Variants in RIMS2 observed in about 807,000 individuals in gnomAD.
RIMS2 encodes regulating synaptic membrane exocytosis protein 2.
A neutral mutation model predicts 174.4 loss-of-function variants in RIMS2; 59 were observed. The observed-to-expected ratio is 0.34, with a 90% confidence interval of 0.27 to 0.42. The LOEUF is 0.42. Ranked by LOEUF, RIMS2 falls within the 10% of genes least tolerant of loss-of-function variation. The pLI is 1.00. For synonymous variants in RIMS2, 606 were observed against 572.5 expected, an observed-to-expected ratio of 1.06 and a Z score of -0.84; for missense variants, 1,620 against 1,666.3, an observed-to-expected ratio of 0.97 and a Z score of 0.48.
chr8:103,620,702 G>A (rs942878268), intron 1 of RIMS2, among the ~76,000 whole-genome samples: 5 of 151,796 alleles, frequency 3.3e-5, no homozygotes, highest in African/African-American at 9.7e-5. Context: ...ATTTCATTGA[G>A]TTTCTGTTTA....
At chr8:103,635,627 G>T (rs1004845967) in intron 1 of RIMS2, among the ~76,000 whole-genome samples, 2 of 152,196 alleles carry the variant, frequency 1.3e-5, no homozygotes, top group Non-Finnish European at 2.9e-5. Context: ...ACCCCTTATT[G>T]TCCCAAAGAC....
intron 3 of RIMS2, among the ~76,000 whole-genome samples, chr8:103,832,244 A>C (rs922209280): frequency 6.6e-6 from 1 of 152,088 alleles, no homozygotes; most frequent in Non-Finnish European, 1.5e-5. Flanking sequence ...CCTTTTACAT[A>C]GAGTATTTAG....
intron 3 of RIMS2, among the ~76,000 whole-genome samples, chr8:103,798,961 G>GGAGA (rs1272891084): frequency 6.6e-6 from 1 of 150,832 alleles, no homozygotes; most frequent in Non-Finnish European, 1.5e-5. Context: ...GATAGAAGGA[G>GGAGA]GAGAGATTCA....
chr8:104,159,823 T>C (rs1278782584), intron 19 of RIMS2, among the ~76,000 whole-genome samples: 1 of 152,134 alleles, frequency 6.6e-6, no homozygotes, highest in Non-Finnish European at 1.5e-5. Context: ...AATAGAAAAC[T>C]AGAAGCAGGT....
intron 1 of RIMS2, among the ~76,000 whole-genome samples, chr8:103,548,224 A>G (rs1315786355): frequency 6.6e-6 from 1 of 152,194 alleles, no homozygotes; most frequent in Non-Finnish European, 1.5e-5. Flanking sequence ...AAAAAACTTC[A>G]GGCTAATATT....
intron 3 of RIMS2, among the ~76,000 whole-genome samples, chr8:103,872,766 T>C (rs1207735838): frequency 6.6e-6 from 1 of 152,176 alleles, no homozygotes. Context: ...GTAGAAACTG[T>C]ACCTAATAAA....
At chr8:103,715,147 G>A (rs977340767) in intron 2 of RIMS2, among the ~76,000 whole-genome samples, 2 of 152,102 alleles carry the variant, frequency 1.3e-5, no homozygotes, top group Admixed American at 6.5e-5. Context: ...AGTGAGACAA[G>A]ATGTTGTTTT....
rs573449414 is a variant in RIMS2, at chr8:103,905,550, G to A, written c.1625-4584G>A. Among the ~76,000 whole-genome samples, 24 of 151,804 alleles carry A rather than the reference G, an allele frequency of 1.6e-4. No individual in the cohort carries two copies. The South Asian group carries it at 4.8e-3, about 30-fold the overall frequency. On this transcript the variant is annotated intron_variant, in intron 4 of 23. Transcript: ENST00000504942. Reference sequence around the variant, plus strand: ...TTTTAGTTTGATTATGGTGTATCTTGTAACAGATATCTTTGGGTATTGTTT... The same window carrying A: ...TTTTAGTTTGATTATGGTGTATCTTATAACAGATATCTTTGGGTATTGTTT...
intron 9 of RIMS2, among the ~76,000 whole-genome samples, chr8:103,919,058 TA>T (rs1394184798): frequency 1.3e-5 from 2 of 152,320 alleles, no homozygotes; most frequent in East Asian, 3.9e-4. Flanking sequence ...ATCTATAATT[TA>T]AAAAATTATT....
At chr8:103,846,245 GA>G (rs2098967338) in intron 3 of RIMS2, among the ~76,000 whole-genome samples, 1 of 152,010 alleles carries the variant, frequency 6.6e-6, no homozygotes. Flanking sequence ...CTGAGGCTTA[GA>G]AAAAGAAAGA....
intron 22 of RIMS2, among the ~76,000 whole-genome samples, chr8:104,250,563 T>G (rs185614343): frequency 6.6e-6 from 1 of 152,194 alleles, no homozygotes; most frequent in Non-Finnish European, 1.5e-5. Context: ...CTTAGCTAAT[T>G]TGATCAATAT....
At chr8:103,677,558 C>T (rs1025076660) in intron 1 of RIMS2, among the ~76,000 whole-genome samples, 4 of 152,152 alleles carry the variant, frequency 2.6e-5, no homozygotes, top group Admixed American at 1.3e-4. Context: ...TACCCACAGT[C>T]TCCAGTTTCT....
At chr8:103,798,639 C>T (rs1265920786) in intron 3 of RIMS2, among the ~76,000 whole-genome samples, 2 of 152,094 alleles carry the variant, frequency 1.3e-5, no homozygotes, top group African/African-American at 2.4e-5. Flanking sequence ...TTTTAAATTA[C>T]AGAAAGGATA....
At chr8:103,814,923 A>G (rs1015062293) in intron 3 of RIMS2, among the ~76,000 whole-genome samples, 2 of 152,196 alleles carry the variant, frequency 1.3e-5, no homozygotes, top group East Asian at 1.9e-4. Context: ...ATGAAAACTA[A>G]TAATCTACTA....
At chr8:103,514,099 A>G (rs1212356830) in intron 1 of RIMS2, among the ~76,000 whole-genome samples, 1 of 152,146 alleles carries the variant, frequency 6.6e-6, no homozygotes, top group Non-Finnish European at 1.5e-5. Context: ...TCTACCAGGG[A>G]TGGATACATA....
At chr8:103,744,336 GC>G (rs541744950) in intron 2 of RIMS2, among the ~76,000 whole-genome samples, 26 of 152,214 alleles carry the variant, frequency 1.7e-4, no homozygotes, top group African/African-American at 6.3e-4. Context: ...GAGCCACCAC[GC>G]CCAGCTAGGA....
At chr8:103,674,063 A>G (rs986438582) in intron 1 of RIMS2, among the ~76,000 whole-genome samples, 1 of 152,254 alleles carries the variant, frequency 6.6e-6, no homozygotes, top group Admixed American at 6.5e-5. Context: ...AGCAGAATGC[A>G]GCTAAACTTT....
chr8:103,609,066 T>C (rs2095269488), intron 1 of RIMS2, among the ~76,000 whole-genome samples: 1 of 152,252 alleles, frequency 6.6e-6, no homozygotes, highest in Non-Finnish European at 1.5e-5. Context: ...TGTGAGATGG[T>C]ATCTCATTTT....
intron 19 of RIMS2, among the ~76,000 whole-genome samples, chr8:104,112,674 G>A (rs1390615671): frequency 6.6e-6 from 1 of 152,090 alleles, no homozygotes; most frequent in Non-Finnish European, 1.5e-5. Context: ...TTGTGTTTCA[G>A]GCATGCTTCT....
Sources: allele counts gnomAD v4.1 joint callset (sites outside exome capture counted in the v4.1 genomes callset), GRCh38; gene constraint gnomAD v4.1.1; transcripts MANE v1.5; gene names NCBI Gene and HGNC (gene_info 2026-07-23, HGNC 2026-07-21).